The following KHDRBS2 variants were observed in gnomAD, a reference collection of about 807,000 sequenced individuals.
KHDRBS2 encodes the protein KH RNA binding domain containing, signal transduction associated 2, also known as KH domain-containing, RNA-binding, signal transduction-associated protein 2.
A neutral mutation model predicts 44.3 loss-of-function variants in KHDRBS2; 26 were observed. The observed-to-expected ratio is 0.59, with a 90% CI of 0.43 to 0.81. The LOEUF (loss-of-function observed/expected upper bound fraction) is 0.81. KHDRBS2 is among the 40% of genes least tolerant of loss of function. KHDRBS2 has a pLI of 0.00. For synonymous variants in KHDRBS2, 194 were observed against 151.1 expected (o/e 1.28, Z -2.08); for missense variants, 476 against 433.1 (o/e 1.10, Z -0.88).
At chr6:62,251,184 A>G (rs1042788161) in intron 1 of KHDRBS2, among the ~76,000 whole-genome samples, 2 of 151,984 alleles carry the variant, frequency 1.3e-5, no homozygotes, top group Non-Finnish European at 2.9e-5. Flanking sequence ...GAATATAACT[A>G]TAAGTTATAT....
the KHDRBS2 span, among the ~76,000 whole-genome samples, chr6:61,564,342 C>T: frequency 2.6e-5 from 4 of 151,984 alleles, no homozygotes; most frequent in African/African-American, 9.7e-5. Flanking sequence ...ACAAACTGGG[C>T]AGAAATCCAG....
chr6:61,943,305 A>T (rs755417506), intron 4 of KHDRBS2, among the ~76,000 whole-genome samples: 1 of 152,118 alleles, frequency 6.6e-6, no homozygotes, highest in Non-Finnish European at 1.5e-5. Flanking sequence ...TCATGGAAGC[A>T]TATGAAAGTA....
At chr6:61,610,267 A>G in the KHDRBS2 span, among the ~76,000 whole-genome samples, 7 of 152,208 alleles carry the variant, frequency 4.6e-5, no homozygotes, top group Admixed American at 4.6e-4. Context: ...TTCACAAATT[A>G]TATTTCAATC....
intron 1 of KHDRBS2, among the ~76,000 whole-genome samples, chr6:62,178,391 C>T (rs140338005): frequency 4.0e-5 from 6 of 151,518 alleles, no homozygotes; most frequent in Non-Finnish European, 3.0e-5. Context: ...CATGTAAGAA[C>T]CTGTAGAATA....
the KHDRBS2 span, among the ~76,000 whole-genome samples, chr6:61,625,973 G>T: frequency 1.3e-5 from 2 of 152,150 alleles, no homozygotes; most frequent in East Asian, 3.9e-4. Context: ...TGAGCAAATG[G>T]ATATAATATT....
At chr6:61,772,448 A>C (rs61152045) in intron 6 of KHDRBS2, among the ~76,000 whole-genome samples, 97,308 of 151,714 alleles carry the variant, frequency 0.64, 31,893 homozygotes, top group African/African-American at 0.79. Flanking sequence ...AGAAAAGAAT[A>C]AAATAGACAC....
At chr6:61,624,830 G>A in the KHDRBS2 span, among the ~76,000 whole-genome samples, 3 of 152,076 alleles carry the variant, frequency 2.0e-5, no homozygotes, top group Non-Finnish European at 4.4e-5. Flanking sequence ...AGAAAAAATG[G>A]CACCCTAACC....
intron 3 of KHDRBS2, among the ~76,000 whole-genome samples, chr6:62,002,636 C>G (rs545312244): frequency 1.3e-5 from 2 of 151,000 alleles, no homozygotes; most frequent in Non-Finnish European, 3.0e-5. Flanking sequence ...ATGTAAAAAT[C>G]ATTATAATTA....
intron 3 of KHDRBS2, among the ~76,000 whole-genome samples, chr6:61,994,472 C>T (rs955191131): frequency 6.6e-6 from 1 of 152,082 alleles, no homozygotes; most frequent in Admixed American, 6.6e-5. Flanking sequence ...GAAAGATGGC[C>T]TTGATGGTTT....
At chr6:61,795,615 T>G (rs1372513939) in intron 6 of KHDRBS2, among the ~76,000 whole-genome samples, 3 of 152,202 alleles carry the variant, frequency 2.0e-5, no homozygotes, top group Non-Finnish European at 4.4e-5. Flanking sequence ...TTATTTCTCT[T>G]CCTTTAATTT....
intron 2 of KHDRBS2, among the ~76,000 whole-genome samples, chr6:62,080,458 A>G (rs1357639667): frequency 1.3e-5 from 2 of 152,106 alleles, no homozygotes; most frequent in African/African-American, 4.8e-5. Context: ...ATGGGGATTG[A>G]TTTAGAGATA....
At chr6:61,639,025 G>A in the KHDRBS2 span, among the ~76,000 whole-genome samples, 1 of 151,938 alleles carries the variant, frequency 6.6e-6, no homozygotes, top group African/African-American at 2.4e-5. Context: ...CTAGCTGTTG[G>A]GCAAAATAAA....
At chr6:61,596,840 C>T in the KHDRBS2 span, among the ~76,000 whole-genome samples, 3,725 of 151,974 alleles carry the variant, frequency 0.025, 70 homozygotes, top group Middle Eastern at 0.079. Context: ...TTAGTAGAGA[C>T]GGAGTTTCCC....
intron 4 of KHDRBS2, among the ~76,000 whole-genome samples, chr6:61,919,076 T>A (rs1391969590): frequency 6.6e-6 from 1 of 151,930 alleles, no homozygotes; most frequent in East Asian, 1.9e-4. Flanking sequence ...ATGGCGAGCT[T>A]CTAGGTAACC....
At chr6:61,871,288 C>T (rs753936542) in intron 6 of KHDRBS2, among the ~76,000 whole-genome samples, 5 of 151,896 alleles carry the variant, frequency 3.3e-5, no homozygotes, top group African/African-American at 4.8e-5. Context: ...TAAAATAAAG[C>T]GTGAAGACAA....
chr6:61,723,689 A>T (rs1773080188), intron 7 of KHDRBS2, among the ~76,000 whole-genome samples: 2 of 152,212 alleles, frequency 1.3e-5, no homozygotes, highest in Admixed American at 6.5e-5. Context: ...AATCAGAAGT[A>T]TCAATAGCAG....
At chr6:62,190,391 C>T (rs1824332944) in intron 1 of KHDRBS2, among the ~76,000 whole-genome samples, 1 of 152,068 alleles carries the variant, frequency 6.6e-6, no homozygotes, top group Non-Finnish European at 1.5e-5. Flanking sequence ...GTAGGGTTAC[C>T]CTGGTTCATT....
intron 6 of KHDRBS2, among the ~76,000 whole-genome samples, chr6:61,848,551 AC>A (rs2127280517): frequency 2.3e-5 from 1 of 42,832 alleles, no homozygotes; most frequent in East Asian, 5.9e-4. Context: ...GTATATATAT[AC>A]ATATATATAT....
At chr6:61,943,864 C>A (rs59587743) in intron 4 of KHDRBS2, among the ~76,000 whole-genome samples, 1 of 152,024 alleles carries the variant, frequency 6.6e-6, no homozygotes, top group Non-Finnish European at 1.5e-5. Context: ...ATAGGTATTT[C>A]TCAAAAGAAG....
Sources: allele counts gnomAD v4.1 joint callset (sites outside exome capture counted in the v4.1 genomes callset), GRCh38; gene constraint gnomAD v4.1.1; transcripts MANE v1.5; gene names NCBI Gene and HGNC (gene_info 2026-07-23, HGNC 2026-07-21).